The following PEBP4 variants were observed in gnomAD, a reference collection of about 807,000 sequenced individuals.
The protein encoded by PEBP4 is phosphatidylethanolamine binding protein 4, also known as phosphatidylethanolamine-binding protein 4.
PEBP4 carries 22 observed loss-of-function variants against 23.9 expected under a neutral mutation model. The observed-to-expected ratio is 0.92, with a 90% CI of 0.66 to 1.31. The LOEUF is 1.31. Among genes scored for constraint, PEBP4 ranks in the 40% most tolerant of loss-of-function variants. PEBP4 has a pLI of 0.00. For synonymous variants in PEBP4, 112 were observed against 99.3 expected, an observed-to-expected ratio of 1.13 and a Z score of -0.76; for missense variants, 324 against 281.7, an observed-to-expected ratio of 1.15 and a Z score of -1.07.
At chr8:22,915,464 GCTCA>G (rs1212259769) in intron 3 of PEBP4, among the ~76,000 whole-genome samples, 1 of 151,628 alleles carries the variant, frequency 6.6e-6, no homozygotes, top group Non-Finnish European at 1.5e-5. Context: ...CTGGGTCCCG[GCTCA>G]CTGACACCCT....
At chr8:22,744,031 G>A (rs796074409) in intron 4 of PEBP4, among the ~76,000 whole-genome samples, 7 of 152,190 alleles carry the variant, frequency 4.6e-5, no homozygotes, top group Non-Finnish European at 8.8e-5. Flanking sequence ...TGCTGTGCAG[G>A]GAGTATTTTT....
At chr8:22,747,783 A>G (rs1041343669) in intron 4 of PEBP4, among the ~76,000 whole-genome samples, 2 of 152,192 alleles carry the variant, frequency 1.3e-5, no homozygotes, top group Non-Finnish European at 2.9e-5. Flanking sequence ...GGCTGTTCCA[A>G]CGATGGACTT....
At chr8:22,855,059 G>C (rs1485915578) in intron 3 of PEBP4, among the ~76,000 whole-genome samples, 3 of 148,504 alleles carry the variant, frequency 2.0e-5, no homozygotes, top group Admixed American at 2.0e-4. Flanking sequence ...CCCCAGGAAA[G>C]AAAGGCGTTT....
At chr8:22,868,391 C>G (rs755243213) in intron 3 of PEBP4, among the ~76,000 whole-genome samples, 1 of 152,056 alleles carries the variant, frequency 6.6e-6, no homozygotes, top group Non-Finnish European at 1.5e-5. Context: ...TGGGTGTGCC[C>G]GGTGTGTGTG....
At chr8:22,744,064 C>G (rs771216630) in intron 4 of PEBP4, among the ~76,000 whole-genome samples, 1 of 152,196 alleles carries the variant, frequency 6.6e-6, no homozygotes, top group Non-Finnish European at 1.5e-5. Flanking sequence ...GCCCTGTGTT[C>G]CCAGGATCAG....
At chr8:22,820,173 G>C (rs1806828737) in intron 3 of PEBP4, among the ~76,000 whole-genome samples, 1 of 152,226 alleles carries the variant, frequency 6.6e-6, no homozygotes, top group African/African-American at 2.4e-5. Context: ...CAATGAGTTA[G>C]AGGCAAGTTT....
intron 3 of PEBP4, among the ~76,000 whole-genome samples, chr8:22,888,901 C>A (rs1331582497): frequency 6.6e-6 from 1 of 152,220 alleles, no homozygotes; most frequent in African/African-American, 2.4e-5. Flanking sequence ...GCTTTCCTGG[C>A]TAACCCAGGG....
At chr8:22,874,425 G>A (rs1383391685) in intron 3 of PEBP4, among the ~76,000 whole-genome samples, 2 of 152,168 alleles carry the variant, frequency 1.3e-5, no homozygotes, top group Non-Finnish European at 2.9e-5. Flanking sequence ...TCTCAGTTCA[G>A]TTAACTGCAT....
chr8:22,716,960 T>C (rs1804430511), intron 6 of PEBP4, among the ~76,000 whole-genome samples: 1 of 152,244 alleles, frequency 6.6e-6, no homozygotes, highest in South Asian at 2.1e-4. Flanking sequence ...CTAATCACAG[T>C]CTGGTCCTTC....
At chr8:22,761,978 G>A (rs1429083505) in intron 4 of PEBP4, among the ~76,000 whole-genome samples, 2 of 151,918 alleles carry the variant, frequency 1.3e-5, no homozygotes, top group Admixed American at 1.3e-4. Flanking sequence ...ATTTATTGTT[G>A]CTACTGGCAG....
At chr8:22,866,626 C>G (rs929654249) in intron 3 of PEBP4, among the ~76,000 whole-genome samples, 1 of 151,682 alleles carries the variant, frequency 6.6e-6, no homozygotes, top group African/African-American at 2.4e-5. Context: ...AACTATATAG[C>G]CTTAAGGGGG....
chr8:22,756,395 C>T (rs768808387), intron 4 of PEBP4, among the ~76,000 whole-genome samples: 2 of 152,202 alleles, frequency 1.3e-5, no homozygotes, highest in African/African-American at 2.4e-5. Context: ...GTTATGTAAC[C>T]GACTGAACTC....
chr8:22,888,417 G>C (rs959288607), intron 3 of PEBP4, among the ~76,000 whole-genome samples: 1 of 152,176 alleles, frequency 6.6e-6, no homozygotes, highest in Non-Finnish European at 1.5e-5. Flanking sequence ...GCCTCCCAAA[G>C]TGTTGGGATT....
chr8:22,885,428 A>T (rs1808352883), intron 3 of PEBP4: 1 of 152,340 alleles, frequency 6.6e-6, no homozygotes, highest in South Asian at 2.1e-4. Flanking sequence ...ACCAAGTACA[A>T]GCAGCAGGCT....
Position 22,795,163 on chromosome 8 carries a change from A to ATTTTTTTTTTT in PEBP4, c.357+22463_357+22473dup, listed in dbSNP as rs33911395. ...TGTGTGTATATATATATATATATAT[A>ATTTTTTTTTTT]TTTTTTTTTTTTTTTTTTTTTTTTT... On this transcript the variant is annotated intron_variant, in intron 4 of 6. Transcript: ENST00000256404. Among the ~76,000 whole-genome samples the ATTTTTTTTTTT allele has an allele frequency of 2.5e-4, 12 of 47,342 alleles. 1 individual carries two copies. The highest frequency in any genetic ancestry group is 6.9e-4 in the Admixed American group (2 of 2,916). The allele number at this position is 47,342 out of a possible 152,430, so 31.1% of individuals were successfully genotyped here.
At chr8:22,715,434 G>A (rs375714679) in intron 6 of PEBP4, among the ~76,000 whole-genome samples, 9 of 152,358 alleles carry the variant, frequency 5.9e-5, no homozygotes, top group South Asian at 2.1e-4. Context: ...GTGTGCGCAC[G>A]CGCACATGCC....
rs1805028369 is a variant in PEBP4 at position 22,742,937 on chromosome 8, G to A, written c.358-15717C>T. ...AGAGATCATTACAGCTGTGATGAAC[G>A]CTAGGAAGAGGAAGCGCAGAGAGCC... is the stretch of plus-strand genomic sequence containing the variant. On this transcript the variant is annotated intron_variant, in intron 4 of 6. Coordinates refer to ENST00000256404, the MANE Select transcript of PEBP4 (RefSeq NM_144962.3). Among the ~76,000 whole-genome samples, 2 of 152,220 alleles carry A rather than the reference G, an allele frequency of 1.3e-5. 1 individual carries two copies. The highest frequency in any genetic ancestry group is 4.1e-4 in the South Asian group (2 of 4,830).
chr8:22,729,372 A>G (rs892000228), intron 4 of PEBP4, among the ~76,000 whole-genome samples: 4 of 152,262 alleles, frequency 2.6e-5, no homozygotes, highest in African/African-American at 9.6e-5. Flanking sequence ...TAAACAAAAC[A>G]ATAGCAACCT....
intron 4 of PEBP4, among the ~76,000 whole-genome samples, chr8:22,747,764 C>T (rs562299126): frequency 2.0e-5 from 3 of 152,240 alleles, no homozygotes; most frequent in Admixed American, 6.5e-5. Context: ...TTGCCCGCTG[C>T]CTGGCCCTGG....
Sources: gnomAD v4.1 joint callset for allele counts (sites outside exome capture counted in the v4.1 genomes callset) on GRCh38, gnomAD v4.1.1 for gene constraint, MANE v1.5 for transcripts, NCBI Gene and HGNC (gene_info 2026-07-23, HGNC 2026-07-21) for gene names.